The following CFAP54 variants were observed in gnomAD, a reference collection of about 807,000 sequenced individuals.
CFAP54 encodes cilia and flagella associated protein 54, also known as cilia- and flagella-associated protein 54.
A neutral mutation model predicts 370.4 loss-of-function variants in CFAP54; 290 were observed. That is an observed-to-expected ratio of 0.78 (90% CI 0.71 to 0.86). The LOEUF is 0.86. CFAP54 is among the 40% of genes least tolerant of loss of function. The probability of loss-of-function intolerance (pLI) is 0.00; values close to 1 mark genes in which losing one functional copy is unlikely to be tolerated. For missense variants in CFAP54, 3,399 were observed against 3,528.7 expected (o/e 0.96, Z 0.93); for synonymous variants, 1,206 against 1,236.5 (o/e 0.98, Z 0.52).
At chr12:96,618,782 A>G (rs1231741379) in intron 26 of CFAP54, among the ~76,000 whole-genome samples, 1 of 152,002 alleles carries the variant, frequency 6.6e-6, no homozygotes, top group Non-Finnish European at 1.5e-5. Context: ...CTTCTAGCTG[A>G]CTCTGTGCAT....
chr12:96,864,033 G>A (rs1399844208), intron 67 of CFAP54, among the ~76,000 whole-genome samples: 5 of 152,106 alleles, frequency 3.3e-5, no homozygotes, highest in African/African-American at 9.7e-5. Flanking sequence ...TGATGAACTG[G>A]GCTGAAGTAC....
At chr12:96,611,650 A>G (rs1956359585) in intron 26 of CFAP54, among the ~76,000 whole-genome samples, 1 of 152,222 alleles carries the variant, frequency 6.6e-6, no homozygotes, top group Non-Finnish European at 1.5e-5. Context: ...AAAAGATTAG[A>G]CAAATGGCTA....
At chr12:96,639,612 C>A (rs1235893525) in intron 32 of CFAP54, among the ~76,000 whole-genome samples, 2 of 152,152 alleles carry the variant, frequency 1.3e-5, no homozygotes, top group African/African-American at 4.8e-5. Flanking sequence ...CAAAGCTTAG[C>A]AGAGAGACAA....
At chr12:96,809,602 C>G (rs972580380) in intron 63 of CFAP54, among the ~76,000 whole-genome samples, 4 of 152,098 alleles carry the variant, frequency 2.6e-5, no homozygotes, top group African/African-American at 7.2e-5. Flanking sequence ...TGTCTTATAT[C>G]TTATTCTGCA....
chr12:96,659,289 A>AGT (rs750063014), intron 38 of CFAP54, among the ~76,000 whole-genome samples: 19 of 152,118 alleles, frequency 1.2e-4, no homozygotes, highest in Middle Eastern at 3.4e-3. Flanking sequence ...GACTGCCAAC[A>AGT]CGCCCGGCTA....
chr12:96,742,604 A>T lies in CFAP54; in HGVS notation c.7219+18A>T. 6.3e-7 allele frequency: 1 copy of T among 1,599,736 alleles called. No homozygotes were observed. Among genetic ancestry groups the T allele is most frequent in the Non-Finnish European group, 8.5e-7 (1 of 1,173,254 alleles). On this transcript the variant is annotated intron_variant, in intron 52 of 67. Transcript: ENST00000524981. ...TGTGAAAGGTACAAACATTTGCTTAATCAATGTTTTCATAAAAATTAATTT... is the reference window on the plus strand; with the variant it reads ...TGTGAAAGGTACAAACATTTGCTTATTCAATGTTTTCATAAAAATTAATTT...
chr12:96,726,663 G>A (rs1345809464), intron 50 of CFAP54, among the ~76,000 whole-genome samples: 1 of 151,576 alleles, frequency 6.6e-6, no homozygotes, highest in African/African-American at 2.4e-5. Context: ...GGTTTTTTGT[G>A]TCTCTATTTC....
At chr12:96,781,032 A>G (rs1958574721) in intron 60 of CFAP54, among the ~76,000 whole-genome samples, 1 of 152,136 alleles carries the variant, frequency 6.6e-6, no homozygotes, top group African/African-American at 2.4e-5. Context: ...TGAAGAAAGA[A>G]GTAGATGTAA....
At chr12:96,813,626 T>C (rs1488554322) in intron 64 of CFAP54, among the ~76,000 whole-genome samples, 1 of 152,110 alleles carries the variant, frequency 6.6e-6, no homozygotes. Context: ...TTCTGTGTAG[T>C]TCTATCTAAA....
chr12:96,764,298 T>C, intron 59 of CFAP54, 49 bp downstream of exon 59: 1 of 1,396,066 alleles, frequency 7.2e-7, no homozygotes, highest in Non-Finnish European at 1.0e-6. Flanking sequence ...ATATCTGTAT[T>C]CTCTGCCTTT....
At chr12:96,821,797 G>T (rs1257802390) in intron 65 of CFAP54, among the ~76,000 whole-genome samples, 1 of 151,508 alleles carries the variant, frequency 6.6e-6, no homozygotes, top group Non-Finnish European at 1.5e-5. Context: ...CCTTCACATG[G>T]AGCTAATTAG....
chr12:96,657,147 C>T (rs1276219758), intron 36 of CFAP54, among the ~76,000 whole-genome samples: 1 of 152,086 alleles, frequency 6.6e-6, no homozygotes, highest in African/African-American at 2.4e-5. Context: ...CTTGAGTTAC[C>T]CAACTGTTTT....
At chr12:96,601,748 G>A (rs758921861) in intron 26 of CFAP54, among the ~76,000 whole-genome samples, 3 of 152,162 alleles carry the variant, frequency 2.0e-5, no homozygotes, top group Admixed American at 6.5e-5. Context: ...TTGCATAGAG[G>A]TGTTTATAGT....
intron 40 of CFAP54, among the ~76,000 whole-genome samples, chr12:96,681,727 C>T (rs559782577): frequency 3.9e-5 from 6 of 152,136 alleles, no homozygotes; most frequent in Admixed American, 1.3e-4. Context: ...CTCAGCCTCC[C>T]GAGTAGCTGG....
Position 96,688,967 on chromosome 12 carries a change from T to C in CFAP54, c.6066T>C (p.Ser2022=). The C allele has an allele frequency of 6.3e-7, 1 of 1,582,956 alleles. No individual in the cohort carries two copies. Among genetic ancestry groups the C allele is most frequent in the Non-Finnish European group, 8.6e-7 (1 of 1,166,606 alleles). ...VEKKTDCCIL[S]ALLFQGLLRT... ...AGAAAACTGACTGTTGCATTTTGTC[T>C]GCGTTACTCTTTCAGGTAACACTCT... is the stretch of plus-strand genomic sequence containing the variant. Residue 2022 remains serine, a synonymous_variant, in exon 43 of 68, where the codon TCT becomes TCC. Coordinates refer to ENST00000524981, the MANE Select transcript of CFAP54 (RefSeq NM_001306084.2).
chr12:96,857,251 A>G (rs749710376), intron 66 of CFAP54, among the ~76,000 whole-genome samples: 1 of 152,150 alleles, frequency 6.6e-6, no homozygotes, highest in African/African-American at 2.4e-5. Flanking sequence ...TATCAAACCT[A>G]GTACCCAATA....
At chr12:96,836,708 T>C (rs1269951358) in intron 66 of CFAP54, among the ~76,000 whole-genome samples, 1 of 152,258 alleles carries the variant, frequency 6.6e-6, no homozygotes, top group African/African-American at 2.4e-5. Context: ...TAAAAATCCT[T>C]AATAATGGTT....
At chr12:96,493,242 T>C (rs76547619) in intron 1 of CFAP54, among the ~76,000 whole-genome samples, 1,694 of 152,338 alleles carry the variant, frequency 0.011, 42 homozygotes, top group African/African-American at 0.039. Context: ...TGACACTGGT[T>C]ACACAGTGGT....
chr12:96,715,956 T>C (rs1187958961), intron 48 of CFAP54, among the ~76,000 whole-genome samples: 1 of 152,190 alleles, frequency 6.6e-6, no homozygotes, highest in Non-Finnish European at 1.5e-5. Context: ...CTTACCAGGC[T>C]ACTCCACTCA....
Sources: allele counts gnomAD v4.1 joint callset (sites outside exome capture counted in the v4.1 genomes callset), GRCh38; gene constraint gnomAD v4.1.1; transcripts MANE v1.5; gene names NCBI Gene and HGNC (gene_info 2026-07-23, HGNC 2026-07-21).